Variants in MYO1H observed in about 807,000 individuals in gnomAD.
MYO1H encodes unconventional myosin-Ih.
In MYO1H, 118 loss-of-function variants were observed where a neutral mutation model predicts 149.3. The observed-to-expected ratio is 0.79, with a 90% confidence interval of 0.68 to 0.92. The LOEUF is 0.92. MYO1H is among the 40% of genes least tolerant of loss of function. The probability of loss-of-function intolerance (pLI) is 0.00; values close to 1 mark genes in which losing one functional copy is unlikely to be tolerated. For synonymous variants in MYO1H, 447 were observed against 465.2 expected, an observed-to-expected ratio of 0.96 and a Z score of 0.50; for missense variants, 1,212 against 1,280.7, an observed-to-expected ratio of 0.95 and a Z score of 0.82.
At chr12:109,409,193 A>G (rs4766595) in intron 10 of MYO1H, among the ~76,000 whole-genome samples, 1 of 143,776 alleles carries the variant, frequency 7.0e-6, no homozygotes, top group African/African-American at 2.5e-5. Context: ...CCTTTTCTCC[A>G]TCTCCTTCTC....
At chr12:109,403,884 ATT>A in intron 6 of MYO1H, 96 bp from the exon 7 acceptor site, 1 of 743,592 alleles carries the variant, frequency 1.3e-6, no homozygotes. Context: ...AATTCAGTAC[ATT>A]ATATAGGACT....
At chr12:109,418,017 C>G (rs959142280) in intron 15 of MYO1H, among the ~76,000 whole-genome samples, 2 of 151,730 alleles carry the variant, frequency 1.3e-5, no homozygotes, top group African/African-American at 4.8e-5. Context: ...GGGGTTTCAC[C>G]GTGTTAGCCA....
intron 15 of MYO1H, among the ~76,000 whole-genome samples, chr12:109,418,394 G>A (rs942212638): frequency 1.3e-5 from 2 of 151,518 alleles, no homozygotes; most frequent in Admixed American, 1.3e-4. Flanking sequence ...CATTACCCAG[G>A]CTAAAGTGCA....
intron 1 of MYO1H, among the ~76,000 whole-genome samples, chr12:109,376,139 A>G (rs1303326292): frequency 6.6e-6 from 1 of 152,196 alleles, no homozygotes; most frequent in South Asian, 2.1e-4. Flanking sequence ...TACAATTTAG[A>G]GTAGATACCT....
chr12:109,445,764 G>A lies in MYO1H; in HGVS notation c.3093+152G>A, dbSNP rs991403130. On this transcript the variant is annotated intron_variant, in intron 31 of 31. Transcript: ENST00000310903. Reference sequence around the variant, plus strand: ...TTCCTAATTCTACATCTGTAAGACAGGAAGAAACTGATATAGAGATACACA... The same window carrying A: ...TTCCTAATTCTACATCTGTAAGACAAGAAGAAACTGATATAGAGATACACA... The A allele has an allele frequency of 7.1e-6, 7 of 985,106 alleles. No individual in the cohort carries two copies. The African/African-American group carries it at 8.7e-5, about 12-fold the overall frequency. The allele number at this position is 985,106 out of a possible 1,614,324, so 61.0% of individuals were successfully genotyped here. A position where few individuals can be genotyped will look rare whatever the true frequency, so the allele number is the denominator to read the frequency against.
intron 1 of MYO1H, among the ~76,000 whole-genome samples, chr12:109,361,931 G>A (rs989639812): frequency 3.3e-5 from 5 of 151,464 alleles, no homozygotes; most frequent in Admixed American, 6.6e-5. Flanking sequence ...TGTTAATCTT[G>A]CATCAATGCA....
chr12:109,314,201 T>G, the MYO1H span, among the ~76,000 whole-genome samples: 1 of 151,178 alleles, frequency 6.6e-6, no homozygotes, highest in African/African-American at 2.4e-5. Flanking sequence ...ACTTTTTTTC[T>G]TTTTTCTTTG....
chr12:109,387,585 C>T (rs76120983), intron 1 of MYO1H, among the ~76,000 whole-genome samples: 1 of 152,184 alleles, frequency 6.6e-6, no homozygotes, highest in East Asian at 1.9e-4. Flanking sequence ...AAAGGCAGGC[C>T]GCTTCTCTTC....
At position 109,427,531 on chromosome 12, in the gene MYO1H, C is replaced by T. The variant is rs375593902; in HGVS notation, c.1894C>T (p.Arg632Trp). The change falls in exon 19 of 32, where the codon CGG becomes TGG. Residue 632 changes from arginine (R) to tryptophan (W), a missense_variant. By Grantham distance (101) the Arg-to-Trp change is moderately radical. Transcript: ENST00000310903. ...ATACCTGGGGCTGATGGAGCACCTG[C>T]GGGTGAGACGGGCTGGTTTTGCATA... The T allele has an allele frequency of 4.7e-5, 75 of 1,612,742 alleles. No homozygotes were observed. The highest frequency in any genetic ancestry group is 3.3e-4 in the Middle Eastern group (2 of 6,080).
In MYO1H at chr12:109,444,273, GCAAGCAAAAGGTAATTGACAGC is replaced by G; in HGVS notation, c.2888_2895+14del. On this transcript the variant is annotated splice_donor_variant and splice_donor_5th_base_variant and coding_sequence_variant and intron_variant, in exon 29 of 32. Coordinates refer to ENST00000310903, the Ensembl canonical transcript of MYO1H. LOFTEE classifies it high-confidence loss of function. ...GTCATTCATGTTTCACCAGAGGACA[GCAAGCAAAAGGTAATTGACAGC>G]CACCAGTCTCTACTAAAAGACAGAA... 1 of 1,613,670 alleles carries G rather than the reference GCAAGCAAAAGGTAATTGACAGC, an allele frequency of 6.2e-7. No homozygotes were observed. Among genetic ancestry groups the G allele is most frequent in the South Asian group, 1.1e-5 (1 of 91,074 alleles).
At chr12:109,428,278 G>C (rs77892255) in intron 19 of MYO1H, among the ~76,000 whole-genome samples, 5 of 152,038 alleles carry the variant, frequency 3.3e-5, no homozygotes, top group South Asian at 4.1e-4. Context: ...ATTTGTGACC[G>C]TAGGGCCTGG....
At chr12:109,424,987 C>T (rs1303632375) in intron 17 of MYO1H, among the ~76,000 whole-genome samples, 159 bp downstream of exon 17, 1 of 151,974 alleles carries the variant, frequency 6.6e-6, no homozygotes, top group Admixed American at 6.6e-5. Context: ...ACCTGTAATC[C>T]CAGCACTTTG....
the MYO1H span, among the ~76,000 whole-genome samples, chr12:109,319,498 G>C: frequency 0.012 from 1,760 of 152,292 alleles, 36 homozygotes; most frequent in African/African-American, 0.04. Flanking sequence ...TGGAGATCTG[G>C]TGCACAAGGT....
chr12:109,393,539 T>TCATCCAACCATTCATCCATCCATC (rs1555250731), intron 3 of MYO1H, 93 bp downstream of exon 3: 20 of 680,974 alleles, frequency 2.9e-5, no homozygotes, highest in African/African-American at 1.9e-4. Flanking sequence ...GTCCATCCAT[T>TCATCCAACCATTCATCCATCCATC]CATCCATCCA....
chr12:109,426,021 T>C (rs761959920), exon 18 of MYO1H: 1 of 1,613,804 alleles, frequency 6.2e-7, no homozygotes, highest in Non-Finnish European at 8.5e-7. Context: ...CTACATCCGT[T>C]GCATCAAGCC....
intron 19 of MYO1H, among the ~76,000 whole-genome samples, chr12:109,428,692 G>A (rs965588185): frequency 6.6e-6 from 1 of 152,132 alleles, no homozygotes; most frequent in Non-Finnish European, 1.5e-5. Flanking sequence ...TTTCCTGGAT[G>A]TACCTCCTTT....
the MYO1H span, among the ~76,000 whole-genome samples, chr12:109,338,931 T>C: frequency 6.6e-6 from 1 of 152,160 alleles, no homozygotes; most frequent in Non-Finnish European, 1.5e-5. Flanking sequence ...TGGGAAGCAA[T>C]AGGGTTCCTG....
Position 109,410,086 on chromosome 12 carries a change from T to C in MYO1H, c.1329+18T>C, listed in dbSNP as rs1364861924. On this transcript the variant is annotated intron_variant, in intron 12 of 31. Coordinates refer to ENST00000310903, the Ensembl canonical transcript of MYO1H. ...GCATAGAGGTAAACATTTTGATGTT[T>C]TCTCCTCATCTGATTTCTTCATCTA... 7.7e-7 allele frequency: 1 copy of C among 1,299,538 alleles called. No individual in the cohort carries two copies. The highest frequency in any genetic ancestry group is 2.7e-5 in the Admixed American group (1 of 37,460). 80.5% of individuals were successfully genotyped at this position (1,299,538 alleles called of 1,614,324 possible). A position where few individuals can be genotyped will look rare whatever the true frequency, so the allele number is the denominator to read the frequency against.
At chr12:109,311,434 T>C in the MYO1H span, among the ~76,000 whole-genome samples, 1 of 152,260 alleles carries the variant, frequency 6.6e-6, no homozygotes, top group East Asian at 1.9e-4. Context: ...ACAAAAACAC[T>C]GCTTTCGCTT....
Sources: gnomAD v4.1 joint callset for allele counts (sites outside exome capture counted in the v4.1 genomes callset) on GRCh38, gnomAD v4.1.1 for gene constraint, MANE v1.5 for transcripts, NCBI Gene and HGNC (gene_info 2026-07-23, HGNC 2026-07-21) for gene names.